UBR1: variants seen among roughly 807,000 people sequenced by gnomAD.
The protein encoded by UBR1 is ubiquitin protein ligase E3 component n-recognin 1.
In UBR1, 102 loss-of-function variants were observed where a neutral mutation model predicts 242.1. The ratio of observed to expected loss-of-function variants is 0.42; its 90% CI spans 0.36 to 0.50. The LOEUF (loss-of-function observed/expected upper bound fraction) is 0.50, where lower values mean the gene tolerates loss of function less well. UBR1 is among the 20% of genes least tolerant of loss of function. UBR1 has a pLI of 0.01. For missense variants in UBR1, 1,772 were observed against 2,101.8 expected (o/e 0.84, Z 3.07); for synonymous variants, 675 against 684.8 (o/e 0.99, Z 0.22).
intron 40 of UBR1, among the ~76,000 whole-genome samples, chr15:42,969,104 C>T (rs183935479): frequency 2.0e-4 from 30 of 152,268 alleles, no homozygotes; most frequent in African/African-American, 7.0e-4. Flanking sequence ...CTGTCTTCCA[C>T]AATTGTTGAA....
At chr15:43,089,168 A>C (rs1189530860) in intron 1 of UBR1, among the ~76,000 whole-genome samples, 1 of 150,714 alleles carries the variant, frequency 6.6e-6, no homozygotes, top group African/African-American at 2.4e-5. Context: ...TTTCAAAAAA[A>C]AAAAAACTAC....
In UBR1 at chr15:43,060,083, G is replaced by A; in HGVS notation, c.830C>T (p.Ala277Val). 6.2e-7 allele frequency: 1 copy of A among 1,614,036 alleles called. No homozygotes were observed. Among genetic ancestry groups the A allele is most frequent in the South Asian group, 1.1e-5 (1 of 91,084 alleles). The change falls in exon 7 of 47, where the codon GCT becomes GTT. Residue 277 changes from alanine to valine, a missense_variant. Transcript: ENST00000290650. Reference sequence around the variant, plus strand: ...ATCTTCCTTTGCTTCCTGGCAAGCAGCATAAGCTCCCGCTTTAACAGCCCG... The same window carrying A: ...ATCTTCCTTTGCTTCCTGGCAAGCAACATAAGCTCCCGCTTTAACAGCCCG... ...GRRAVKAGAYAACQEAKEDIK... is the reference protein window; with the variant it reads ...GRRAVKAGAYVACQEAKEDIK...
chr15:42,999,238 C>G (rs929241360), intron 32 of UBR1, among the ~76,000 whole-genome samples: 2 of 152,168 alleles, frequency 1.3e-5, no homozygotes, highest in African/African-American at 4.8e-5. Flanking sequence ...CACACCCAAC[C>G]GAGCCTTTGC....
chr15:43,002,469 T>C (rs1013477375), intron 32 of UBR1, 86 bp downstream of exon 32: 2 of 1,465,458 alleles, frequency 1.4e-6, no homozygotes, highest in African/African-American at 2.8e-5. Context: ...AATCCGCCCA[T>C]CTCAGTCTCC....
intron 1 of UBR1, among the ~76,000 whole-genome samples, chr15:43,089,862 C>T (rs1567149857): frequency 6.6e-6 from 1 of 152,126 alleles, no homozygotes; most frequent in Non-Finnish European, 1.5e-5. Context: ...GTGTTAAGGT[C>T]ATGAAAACAA....
chr15:43,082,826 T>C, intron 2 of UBR1, 110 bp from the exon 3 acceptor site: 1 of 787,984 alleles, frequency 1.3e-6, no homozygotes, highest in Middle Eastern at 2.3e-4. Context: ...ACAAACTGAA[T>C]ATGAAAATGC....
At chr15:43,096,518 A>C (rs1363321854) in intron 1 of UBR1, among the ~76,000 whole-genome samples, 1 of 152,114 alleles carries the variant, frequency 6.6e-6, no homozygotes, top group Non-Finnish European at 1.5e-5. Context: ...TGACCTTTTC[A>C]CAAAAGATTT....
chr15:42,998,372 T>C (rs1468782306), intron 32 of UBR1, 107 bp from the exon 33 acceptor site: 2 of 955,906 alleles, frequency 2.1e-6, no homozygotes, highest in Admixed American at 2.0e-5. Context: ...AAAAGTTGAG[T>C]TCCTCCAGAT....
chr15:43,021,230 T>G, intron 27 of UBR1, 45 bp downstream of exon 27: 1 of 1,552,312 alleles, frequency 6.4e-7, no homozygotes, highest in Non-Finnish European at 8.9e-7. Context: ...AGAGAATTCT[T>G]AAATATTTAA....
intron 3 of UBR1, among the ~76,000 whole-genome samples, chr15:43,076,720 C>G (rs1366330715): frequency 1.4e-5 from 2 of 146,792 alleles, no homozygotes; most frequent in Non-Finnish European, 3.0e-5. Flanking sequence ...GCCACCCCGT[C>G]TGGGAAGTGA....
At chr15:43,037,172 GC>G (rs2033348081) in intron 17 of UBR1, among the ~76,000 whole-genome samples, 1 of 151,312 alleles carries the variant, frequency 6.6e-6, no homozygotes, top group African/African-American at 2.4e-5. Flanking sequence ...ACATGGTAAA[GC>G]CCCATCTCTA....
intron 6 of UBR1, among the ~76,000 whole-genome samples, chr15:43,066,253 G>GCCC (rs2033750938): frequency 6.6e-6 from 1 of 152,054 alleles, no homozygotes; most frequent in African/African-American, 2.4e-5. Flanking sequence ...TTTTTGTCAT[G>GCCC]TTTGTCAATA....
chr15:43,095,651 T>C (rs1223163729), intron 1 of UBR1, among the ~76,000 whole-genome samples: 3 of 152,188 alleles, frequency 2.0e-5, no homozygotes, highest in Non-Finnish European at 4.4e-5. Flanking sequence ...AAAGAACATG[T>C]AGGCGGTCAT....
chr15:43,003,508 G>A (rs768438614), intron 31 of UBR1: 19 of 350,130 alleles, frequency 5.4e-5, no homozygotes, highest in African/African-American at 1.1e-4. Flanking sequence ...CTCCTGCCTC[G>A]GCCTCCCGAA....
At chr15:43,104,701 T>TAA (rs1218487633) in intron 1 of UBR1, among the ~76,000 whole-genome samples, 1 of 146,324 alleles carries the variant, frequency 6.8e-6, no homozygotes, top group Non-Finnish European at 1.5e-5. Flanking sequence ...TATGCAGGGT[T>TAA]AAAAAAAAAA....
At chr15:42,989,998 TACAA>T in intron 34 of UBR1, 28 bp downstream of exon 34, 1 of 1,502,544 alleles carries the variant, frequency 6.7e-7, no homozygotes, top group Non-Finnish European at 9.2e-7. Context: ...CACAATCATT[TACAA>T]AGTTCTCTTA....
chr15:42,950,417 G>C, intron 45 of UBR1, 54 bp from the exon 46 acceptor site: 1 of 1,468,996 alleles, frequency 6.8e-7, no homozygotes, highest in Admixed American at 1.7e-5. Flanking sequence ...GCAAATGATA[G>C]GCACTGCATC....
intron 19 of UBR1, among the ~76,000 whole-genome samples, chr15:43,033,550 A>G (rs971840837): frequency 6.6e-6 from 1 of 152,160 alleles, no homozygotes; most frequent in Admixed American, 6.5e-5. Flanking sequence ...AATCCTCAGG[A>G]GGCTGAGGCA....
chr15:43,046,324 T>C (rs998421441), intron 14 of UBR1, among the ~76,000 whole-genome samples: 3 of 152,180 alleles, frequency 2.0e-5, no homozygotes, highest in Non-Finnish European at 4.4e-5. Flanking sequence ...GACCAATTGC[T>C]GGTGGTGAAG....
Sources: gnomAD v4.1 joint callset for allele counts (sites outside exome capture counted in the v4.1 genomes callset) on GRCh38, gnomAD v4.1.1 for gene constraint, MANE v1.5 for transcripts, NCBI Gene and HGNC (gene_info 2026-07-23, HGNC 2026-07-21) for gene names.